The following PPFIBP2 variants were observed in gnomAD, a reference collection of about 807,000 sequenced individuals.
PPFIBP2 encodes PPFIB scaffold protein 2.
In PPFIBP2, 118 loss-of-function variants were observed where a neutral mutation model predicts 118.3. The ratio of observed to expected loss-of-function variants is 1.00; its 90% CI spans 0.86 to 1.16. The LOEUF (loss-of-function observed/expected upper bound fraction) is 1.16. Among genes scored for constraint, PPFIBP2 ranks in the 50% most tolerant of loss-of-function variants. The pLI is 0.00. For synonymous variants in PPFIBP2, 414 were observed against 397.4 expected, an observed-to-expected ratio of 1.04 and a Z score of -0.50; for missense variants, 1,195 against 1,073.1, an observed-to-expected ratio of 1.11 and a Z score of -1.59.
At chr11:7,640,926 G>A (rs910276142) in intron 15 of PPFIBP2, 15 of 925,046 alleles carry the variant, frequency 1.6e-5, no homozygotes, top group Non-Finnish European at 2.1e-5. Context: ...TCTCTTGCTC[G>A]ATGACACTCT....
At chr11:7,541,032 A>G (rs1851723684) in intron 1 of PPFIBP2, among the ~76,000 whole-genome samples, 2 of 152,232 alleles carry the variant, frequency 1.3e-5, no homozygotes, top group African/African-American at 4.8e-5. Flanking sequence ...CCATATGATG[A>G]TAGACCATGA....
rs772240559 is a variant in PPFIBP2, at chr11:7,653,082, C to T, written c.2495C>T (p.Ser832Leu). Residue 832 changes from serine to leucine, a missense_variant, in exon 24 of 24, where the codon TCG becomes TTG. Ser to Leu is a moderately radical substitution (Grantham distance 145, BLOSUM62 -2). Coordinates refer to ENST00000299492, the MANE Select transcript of PPFIBP2 (RefSeq NM_003621.5). ...ATAAGAAAAAAGAAGTTCGATGAAT[C>T]GACGGACTACATTTGCCCAATGGAG... The part of the protein sequence containing the change: ...GNIRKKKFDE[S>L]TDYICPMEPS... The T allele has an allele frequency of 2.5e-5, 40 of 1,613,542 alleles. No individual in the cohort carries two copies. Among genetic ancestry groups the T allele is most frequent in the African/African-American group, 2.1e-4 (16 of 74,934 alleles).
chr11:7,606,036 T>A, intron 5 of PPFIBP2: 1 of 1,531,464 alleles, frequency 6.5e-7, no homozygotes, highest in Non-Finnish European at 8.7e-7. Context: ...AAGCTGTTGA[T>A]CAAGTCAAAA....
intron 5 of PPFIBP2, among the ~76,000 whole-genome samples, chr11:7,599,797 A>ATTTTTTTTTT (rs1200161212): frequency 1.7e-5 from 2 of 117,404 alleles, no homozygotes; most frequent in Non-Finnish European, 3.5e-5. Context: ...CGCCCGGCTA[A>ATTTTTTTTTT]TTTTTTTTTT....
chr11:7,532,395 G>T (rs1850776965), intron 1 of PPFIBP2, among the ~76,000 whole-genome samples: 1 of 152,164 alleles, frequency 6.6e-6, no homozygotes, highest in South Asian at 2.1e-4. Flanking sequence ...TCATAACAGG[G>T]TGTTTCCAAA....
chr11:7,648,635 G>T lies in PPFIBP2; in HGVS notation c.1797+98G>T, dbSNP rs1328344630. The T allele has an allele frequency of 2.6e-6, 4 of 1,531,378 alleles. No individual in the cohort carries two copies. In the African/African-American group the frequency reaches 5.5e-5, roughly 21 times the overall value. 94.9% of individuals were successfully genotyped at this position (1,531,378 alleles called of 1,614,324 possible). A position where few individuals can be genotyped will look rare whatever the true frequency, so the allele number is the denominator to read the frequency against. On this transcript the variant is annotated intron_variant, in intron 18 of 23. Transcript: ENST00000299492. ...CTGTCACACATACACACAGGAGGATGGATGGAGGAGGCTGAGAGTTCCTCT... is the reference window on the plus strand; with the variant it reads ...CTGTCACACATACACACAGGAGGATTGATGGAGGAGGCTGAGAGTTCCTCT...
intron 5 of PPFIBP2, among the ~76,000 whole-genome samples, chr11:7,606,353 A>G (rs1451124012): frequency 1.3e-5 from 2 of 152,230 alleles, no homozygotes; most frequent in Non-Finnish European, 2.9e-5. Flanking sequence ...CATTTTAGAG[A>G]TCACAGTTCA....
At position 7,628,271 on chromosome 11, in the gene PPFIBP2, C is replaced by T; in HGVS notation, c.827-14C>T. 3 of 1,608,336 alleles carry T rather than the reference C, an allele frequency of 1.9e-6. No homozygotes were observed. Among genetic ancestry groups the T allele is most frequent in the Non-Finnish European group, 2.6e-6 (3 of 1,175,468 alleles). On this transcript the variant is annotated splice_polypyrimidine_tract_variant and intron_variant, in intron 8 of 23. Coordinates refer to ENST00000299492, the MANE Select transcript of PPFIBP2 (RefSeq NM_003621.5). ...TTTATATAAATAATTATTTCTATAC[C>T]TGAATTCTTTTAGACCAAGAAATTC... is the stretch of plus-strand genomic sequence containing the variant.
rs377713318 is a variant in PPFIBP2 at position 7,557,138 on chromosome 11, CTGTT to C, written c.64+7602_64+7605del. On this transcript the variant is annotated intron_variant, in intron 2 of 23. Coordinates refer to ENST00000299492, the MANE Select transcript of PPFIBP2 (RefSeq NM_003621.5). The stretch of plus-strand genomic sequence containing the variant: ...TCTTTTATATTTTTCACTTGTGTCT[CTGTT>C]TGCAGCATTCTTCAAATCTATCTTC... Among the ~76,000 whole-genome samples the C allele has an allele frequency of 8.4e-3, 1,273 of 152,254 alleles. 11 individuals are homozygous for C. Among genetic ancestry groups the C allele is most frequent in the Middle Eastern group, 0.041 (12 of 292 alleles).
chr11:7,658,119 G>C (rs1458119612), downstream of PPFIBP2, among the ~76,000 whole-genome samples: 1 of 152,172 alleles, frequency 6.6e-6, no homozygotes, highest in Admixed American at 6.5e-5. Context: ...TCCAATATTA[G>C]TTTCTGCAGC....
At chr11:7,590,252 G>A (rs1227368099) in intron 3 of PPFIBP2, among the ~76,000 whole-genome samples, 2 of 152,154 alleles carry the variant, frequency 1.3e-5, no homozygotes, top group African/African-American at 2.4e-5. Flanking sequence ...TAACATCCTA[G>A]TCCTATATAG....
chr11:7,571,122 G>A (rs1590293185), intron 3 of PPFIBP2, among the ~76,000 whole-genome samples: 1 of 152,334 alleles, frequency 6.6e-6, no homozygotes, highest in East Asian at 1.9e-4. Flanking sequence ...TCCTGAATGA[G>A]CAGCCTCTGC....
chr11:7,639,924 C>A lies in PPFIBP2; in HGVS notation c.1375+54C>A, dbSNP rs1347753639. The A allele has an allele frequency of 3.2e-6, 5 of 1,570,684 alleles. No individual in the cohort carries two copies. In the African/African-American group the frequency reaches 5.5e-5, roughly 17 times the overall value. On this transcript the variant is annotated intron_variant, in intron 15 of 23. Transcript: ENST00000299492. The stretch of plus-strand genomic sequence containing the variant: ...CTCTGAGCAGTGTCCTTGGCACTTT[C>A]AATGATTGTATAAGATCCCTGCACC...
chr11:7,655,299 C>T (rs528858624), downstream of PPFIBP2: 1 of 550,140 alleles, frequency 1.8e-6, no homozygotes, highest in South Asian at 1.7e-5. Flanking sequence ...AGGGCCTGGC[C>T]CACTCCTTGC....
intron 1 of PPFIBP2, among the ~76,000 whole-genome samples, chr11:7,536,886 C>T (rs989972873): frequency 6.6e-6 from 1 of 151,920 alleles, no homozygotes. Flanking sequence ...TCCACGTTGT[C>T]CAGAATAGGG....
At chr11:7,525,334 GA>G (rs1401507176) in intron 1 of PPFIBP2, among the ~76,000 whole-genome samples, 1 of 152,206 alleles carries the variant, frequency 6.6e-6, no homozygotes, top group Non-Finnish European at 1.5e-5. Flanking sequence ...AAAATTAAAT[GA>G]GATGAAATGT....
At chr11:7,517,265 T>C (rs1385713587) in intron 1 of PPFIBP2, among the ~76,000 whole-genome samples, 1 of 152,102 alleles carries the variant, frequency 6.6e-6, no homozygotes, top group Non-Finnish European at 1.5e-5. Context: ...TGAGTTCAGC[T>C]TTTTGGGAGG....
At chr11:7,525,864 G>A (rs1340877138) in intron 1 of PPFIBP2, among the ~76,000 whole-genome samples, 1 of 152,184 alleles carries the variant, frequency 6.6e-6, no homozygotes, top group Admixed American at 6.5e-5. Flanking sequence ...CGGTATCCCT[G>A]TCTTACAAGC....
chr11:7,612,831 G>C (rs1385582292), intron 6 of PPFIBP2, among the ~76,000 whole-genome samples: 1 of 152,200 alleles, frequency 6.6e-6, no homozygotes, highest in Non-Finnish European at 1.5e-5. Context: ...ATCTTTGCTG[G>C]TATGCACAGA....
Sources: allele counts gnomAD v4.1 joint callset (sites outside exome capture counted in the v4.1 genomes callset), GRCh38; gene constraint gnomAD v4.1.1; transcripts MANE v1.5; gene names NCBI Gene and HGNC (gene_info 2026-07-23, HGNC 2026-07-21).